PTPRT: variants seen among roughly 807,000 people sequenced by gnomAD.
PTPRT encodes the protein receptor-type tyrosine-protein phosphatase T.
A neutral mutation model predicts 176.8 loss-of-function variants in PTPRT; 56 were observed. The observed-to-expected ratio is 0.32, with a 90% CI of 0.26 to 0.40. PTPRT has a LOEUF of 0.40. Ranked by LOEUF, PTPRT falls within the 10% of genes least tolerant of loss-of-function variation. PTPRT has a pLI of 1.00. For synonymous variants in PTPRT, 783 were observed against 739.0 expected (o/e 1.06, Z -0.96); for missense variants, 1,540 against 1,908.2 (o/e 0.81, Z 3.60).
chr20:42,742,653 C>T (rs1357710855), intron 6 of PTPRT, among the ~76,000 whole-genome samples: 1 of 152,166 alleles, frequency 6.6e-6, no homozygotes, highest in African/African-American at 2.4e-5. Context: ...ATGGAGGAAG[C>T]TTGTGTGCCC....
chr20:42,422,592 T>C (rs2059128270), intron 9 of PTPRT, among the ~76,000 whole-genome samples: 2 of 152,226 alleles, frequency 1.3e-5, no homozygotes, highest in Admixed American at 6.5e-5. Flanking sequence ...ACTTATATAC[T>C]GCTGGTGGCA....
the PTPRT span, among the ~76,000 whole-genome samples, chr20:42,034,809 G>A: frequency 6.6e-6 from 1 of 152,162 alleles, no homozygotes; most frequent in Non-Finnish European, 1.5e-5. Flanking sequence ...TTGAAAAGGT[G>A]ACATCTGGTT....
intron 27 of PTPRT, among the ~76,000 whole-genome samples, chr20:42,090,675 C>T (rs1040877781): frequency 4.6e-5 from 7 of 152,150 alleles, no homozygotes; most frequent in East Asian, 1.9e-4. Flanking sequence ...CATATAAGCA[C>T]GTAAGCATCT....
chr20:43,098,936 C>T (rs959644503), intron 1 of PTPRT, among the ~76,000 whole-genome samples: 1 of 151,908 alleles, frequency 6.6e-6, no homozygotes. Flanking sequence ...TTTCTCTTGC[C>T]GCCCACAAAT....
chr20:42,529,443 C>T (rs181527808), intron 7 of PTPRT, among the ~76,000 whole-genome samples: 2 of 152,260 alleles, frequency 1.3e-5, no homozygotes, highest in East Asian at 3.9e-4. Flanking sequence ...TAACAGGTAT[C>T]ATCAAGTCTG....
intron 13 of PTPRT, among the ~76,000 whole-genome samples, chr20:42,249,820 C>T (rs889390555): frequency 2.0e-5 from 3 of 152,156 alleles, no homozygotes; most frequent in East Asian, 1.9e-4. Flanking sequence ...CTTCATGCTA[C>T]GTACTAGGGA....
intron 1 of PTPRT, among the ~76,000 whole-genome samples, chr20:43,071,508 G>A (rs1322304933): frequency 1.3e-5 from 2 of 152,186 alleles, no homozygotes; most frequent in African/African-American, 4.8e-5. Flanking sequence ...GTTCAGGCCA[G>A]GCGCGGTGGC....
intron 15 of PTPRT, among the ~76,000 whole-genome samples, chr20:42,207,186 T>G (rs1350026250): frequency 1.3e-5 from 2 of 151,814 alleles, no homozygotes; most frequent in Non-Finnish European, 2.9e-5. Context: ...ACCACAAAGA[T>G]GGGGAAAAAA....
chr20:42,289,819 C>T (rs1438513531), intron 12 of PTPRT, among the ~76,000 whole-genome samples: 3 of 152,034 alleles, frequency 2.0e-5, no homozygotes, highest in African/African-American at 4.8e-5. Context: ...CAGCACCACA[C>T]GTTTTAAAGT....
intron 1 of PTPRT, among the ~76,000 whole-genome samples, chr20:42,958,959 G>A (rs774195097): frequency 1.8e-4 from 27 of 152,090 alleles, no homozygotes; most frequent in African/African-American, 2.9e-4. Flanking sequence ...CTCTGAATTC[G>A]CTTAGTATTC....
intron 23 of PTPRT, among the ~76,000 whole-genome samples, chr20:42,109,525 CTCTCTA>C (rs1474449332): frequency 6.6e-6 from 1 of 152,172 alleles, no homozygotes; most frequent in Non-Finnish European, 1.5e-5. Context: ...CTGTCCATTT[CTCTCTA>C]TGAGGGACCC....
chr20:42,198,535 C>G (rs188166962), intron 16 of PTPRT, among the ~76,000 whole-genome samples: 6 of 152,304 alleles, frequency 3.9e-5, no homozygotes, highest in African/African-American at 1.4e-4. Context: ...GCTGTAAGAA[C>G]AGAAGCAAGT....
intron 7 of PTPRT, among the ~76,000 whole-genome samples, chr20:42,587,362 C>T (rs534927471): frequency 6.6e-6 from 1 of 152,328 alleles, no homozygotes; most frequent in African/African-American, 2.4e-5. Flanking sequence ...CCAGAATCCA[C>T]CGAAAGGTAT....
chr20:42,173,038 C>T (rs1017637220), intron 16 of PTPRT, among the ~76,000 whole-genome samples: 3 of 152,194 alleles, frequency 2.0e-5, no homozygotes, highest in Admixed American at 1.3e-4. Flanking sequence ...ATGCTGTGCA[C>T]TGTTCAATTT....
intron 17 of PTPRT, among the ~76,000 whole-genome samples, chr20:42,151,390 A>G (rs1383349864): frequency 6.6e-6 from 1 of 152,076 alleles, no homozygotes; most frequent in African/African-American, 2.4e-5. Context: ...TTATGAGAAC[A>G]TGTGGTGTTT....
intron 13 of PTPRT, among the ~76,000 whole-genome samples, chr20:42,262,755 C>T (rs1383702411): frequency 6.7e-6 from 1 of 150,270 alleles, no homozygotes; most frequent in Non-Finnish European, 1.5e-5. Flanking sequence ...GTGCTAGGCA[C>T]AGGGAAAGAG....
intron 7 of PTPRT, among the ~76,000 whole-genome samples, chr20:42,548,505 T>C (rs896334329): frequency 1.3e-5 from 2 of 151,898 alleles, no homozygotes; most frequent in Non-Finnish European, 2.9e-5. Flanking sequence ...ATGGATCAAA[T>C]AACAAAACAT....
chr20:42,697,794 TC>T (rs2075905592), intron 6 of PTPRT, among the ~76,000 whole-genome samples: 2 of 152,350 alleles, frequency 1.3e-5, no homozygotes, highest in South Asian at 4.1e-4. Context: ...CTTGGCCTAT[TC>T]AATGGGGCAC....
At chr20:42,135,237 C>T (rs1988316851) in intron 18 of PTPRT, among the ~76,000 whole-genome samples, 1 of 152,252 alleles carries the variant, frequency 6.6e-6, no homozygotes, top group Non-Finnish European at 1.5e-5. Context: ...GTTTACCCAG[C>T]TATAACATCC....
Sources: gnomAD v4.1 joint callset for allele counts (sites outside exome capture counted in the v4.1 genomes callset) on GRCh38, gnomAD v4.1.1 for gene constraint, MANE v1.5 for transcripts, NCBI Gene and HGNC (gene_info 2026-07-23, HGNC 2026-07-21) for gene names.